Variants in XYLT1 observed in about 807,000 individuals in gnomAD.
The protein encoded by XYLT1 is xylosyltransferase 1, also known as beta-D-xylosyltransferase 1.
In XYLT1, 36 loss-of-function variants were observed where a neutral mutation model predicts 91.3. That is an observed-to-expected ratio of 0.39 (90% CI 0.30 to 0.52). XYLT1 has a LOEUF of 0.52. Ranked by LOEUF, XYLT1 falls within the 20% of genes least tolerant of loss-of-function variation. The pLI is 0.68. For synonymous variants in XYLT1, 588 were observed against 532.0 expected, an observed-to-expected ratio of 1.11 and a Z score of -1.45; for missense variants, 1,242 against 1,284.5, an observed-to-expected ratio of 0.97 and a Z score of 0.51.
intron 5 of XYLT1, among the ~76,000 whole-genome samples, chr16:17,196,156 T>A (rs1597184234): frequency 6.6e-6 from 1 of 152,176 alleles, no homozygotes; most frequent in East Asian, 1.9e-4. Flanking sequence ...GATGGTGGGA[T>A]GCCCCCAAGC....
intron 3 of XYLT1, among the ~76,000 whole-genome samples, chr16:17,212,908 C>T (rs1313177905): frequency 2.6e-5 from 4 of 152,174 alleles, no homozygotes; most frequent in African/African-American, 4.8e-5. Flanking sequence ...TCTTATCCAT[C>T]CTGCTGATGT....
intron 1 of XYLT1, among the ~76,000 whole-genome samples, chr16:17,426,016 A>C (rs1476929476): frequency 2.6e-5 from 4 of 152,204 alleles, no homozygotes; most frequent in Non-Finnish European, 5.9e-5. Context: ...GGAACAAAGT[A>C]AGTGAGCAAT....
At chr16:17,384,599 C>T (rs1382570739) in intron 1 of XYLT1, among the ~76,000 whole-genome samples, 1 of 151,854 alleles carries the variant, frequency 6.6e-6, no homozygotes, top group Non-Finnish European at 1.5e-5. Flanking sequence ...ATCTGAGAGG[C>T]ACTGTCTACT....
rs558494610 is a variant in XYLT1, at chr16:17,304,469, A to G, written c.403-44971T>C. Among the ~76,000 whole-genome samples the G allele has an allele frequency of 5.6e-4, 50 of 89,434 alleles. No individual in the cohort carries two copies. The South Asian group carries it at 0.014, about 24-fold the overall frequency. The allele number at this position is 89,434 out of a possible 152,430, so 58.7% of individuals were successfully genotyped here. Reference sequence around the variant, plus strand: ...TAAGCATGCTGCGAAAAAATGCTGCAGGGATTTGGACCATTTGGACCGCGC... The same window carrying G: ...TAAGCATGCTGCGAAAAAATGCTGCGGGGATTTGGACCATTTGGACCGCGC... On this transcript the variant is annotated intron_variant, in intron 2 of 11. Transcript: ENST00000261381.
At chr16:17,206,079 G>T (rs1394124844) in intron 3 of XYLT1, among the ~76,000 whole-genome samples, 1 of 152,042 alleles carries the variant, frequency 6.6e-6, no homozygotes, top group African/African-American at 2.4e-5. Context: ...TGCACTGTGT[G>T]GATTTAGGAA....
rs376152566 is a variant in XYLT1, at chr16:17,318,623, G to A, written c.402+39389C>T. Among the ~76,000 whole-genome samples the A allele has an allele frequency of 2.0e-4, 31 of 152,234 alleles. No homozygotes were observed. In the East Asian group the frequency reaches 4.8e-3, roughly 24 times the overall value. ...GTTATGCAGATCCGAAGCACTACTG[G>A]AATTCAGAACCTGGTTCCATGAATT... On this transcript the variant is annotated intron_variant, in intron 2 of 11. Coordinates refer to ENST00000261381, the MANE Select transcript of XYLT1 (RefSeq NM_022166.4).
intron 2 of XYLT1, among the ~76,000 whole-genome samples, chr16:17,261,885 A>C (rs1167664351): frequency 6.6e-6 from 1 of 152,170 alleles, no homozygotes; most frequent in African/African-American, 2.4e-5. Flanking sequence ...CCTATAAATG[A>C]GGGCCTTCTG....
chr16:17,214,040 A>G (rs2032811029), intron 3 of XYLT1, among the ~76,000 whole-genome samples: 1 of 152,152 alleles, frequency 6.6e-6, no homozygotes, highest in South Asian at 2.1e-4. Context: ...TTTGAGTGGT[A>G]TTATCCCATG....
At chr16:17,437,423 A>C (rs1188244327) in intron 1 of XYLT1, among the ~76,000 whole-genome samples, 1 of 152,154 alleles carries the variant, frequency 6.6e-6, no homozygotes. Context: ...GAAGCCAAGA[A>C]GGCATTTGGG....
intron 1 of XYLT1, among the ~76,000 whole-genome samples, chr16:17,438,469 G>A (rs192916504): frequency 4.4e-4 from 67 of 152,234 alleles, no homozygotes; most frequent in Non-Finnish European, 3.7e-4. Context: ...CATACGCTAC[G>A]TAAGAGTGGA....
At chr16:17,430,701 A>G (rs1000463157) in intron 1 of XYLT1, among the ~76,000 whole-genome samples, 1 of 152,192 alleles carries the variant, frequency 6.6e-6, no homozygotes, top group African/African-American at 2.4e-5. Flanking sequence ...ATGTTTACAT[A>G]TGGTCTTCCA....
At chr16:17,393,433 T>C (rs1351709326) in intron 1 of XYLT1, among the ~76,000 whole-genome samples, 2 of 152,136 alleles carry the variant, frequency 1.3e-5, no homozygotes, top group African/African-American at 4.8e-5. Flanking sequence ...CATGAAGTAA[T>C]TCTCATCATC....
chr16:17,250,396 C>T (rs1010990597), intron 3 of XYLT1: 7 of 152,206 alleles, frequency 4.6e-5, no homozygotes, highest in Non-Finnish European at 1.0e-4. Context: ...ATTTCGGTGA[C>T]CATAAATGAC....
chr16:17,364,782 G>A (rs945554909), intron 1 of XYLT1, among the ~76,000 whole-genome samples: 2 of 152,188 alleles, frequency 1.3e-5, no homozygotes, highest in Non-Finnish European at 2.9e-5. Flanking sequence ...ATGGAGCCAG[G>A]AGCAGTAAGC....
intron 5 of XYLT1, among the ~76,000 whole-genome samples, chr16:17,171,477 C>T (rs1035236876): frequency 2.6e-5 from 4 of 152,202 alleles, no homozygotes; most frequent in African/African-American, 7.2e-5. Context: ...ACACAGAGAT[C>T]GATTCTGGAG....
chr16:17,116,150 A>T (rs998375276), intron 11 of XYLT1, among the ~76,000 whole-genome samples: 3 of 152,306 alleles, frequency 2.0e-5, no homozygotes, highest in Non-Finnish European at 2.9e-5. Flanking sequence ...CTCTAGAGGT[A>T]GGATTTGAGC....
chr16:17,170,461 C>T (rs571116413), intron 5 of XYLT1, among the ~76,000 whole-genome samples: 1 of 152,298 alleles, frequency 6.6e-6, no homozygotes, highest in African/African-American at 2.4e-5. Flanking sequence ...TTCACTGTAG[C>T]CCACGGAAAC....
intron 2 of XYLT1, among the ~76,000 whole-genome samples, chr16:17,308,863 G>A (rs566142552): frequency 7.9e-5 from 12 of 152,290 alleles, no homozygotes; most frequent in Non-Finnish European, 1.3e-4. Context: ...TTGTCATGAG[G>A]ATTAGAAGTA....
chr16:17,329,679 C>G (rs1311957226), intron 2 of XYLT1, among the ~76,000 whole-genome samples: 1 of 152,174 alleles, frequency 6.6e-6, no homozygotes, highest in African/African-American at 2.4e-5. Flanking sequence ...AAACCAGCAA[C>G]CTGTGCCTCC....
Sources: allele counts gnomAD v4.1 joint callset (sites outside exome capture counted in the v4.1 genomes callset), GRCh38; gene constraint gnomAD v4.1.1; transcripts MANE v1.5; gene names NCBI Gene and HGNC (gene_info 2026-07-23, HGNC 2026-07-21).